Variants in GRIK4 observed in about 807,000 individuals in gnomAD.
GRIK4 encodes glutamate ionotropic receptor kainate type subunit 4.
In GRIK4, 40 loss-of-function variants were observed where a neutral mutation model predicts 104.9. The ratio of observed to expected loss-of-function variants is 0.38; its 90% CI spans 0.30 to 0.50. The LOEUF (loss-of-function observed/expected upper bound fraction) is 0.50, where lower values mean the gene tolerates loss of function less well. Among genes scored for constraint, GRIK4 ranks in the 20% least tolerant of loss-of-function variants. The pLI is 0.93. For synonymous variants in GRIK4, 485 were observed against 524.9 expected (o/e 0.92, Z 1.04); for missense variants, 1,047 against 1,308.1 (o/e 0.80, Z 3.08).
intron 3 of GRIK4, among the ~76,000 whole-genome samples, chr11:120,741,521 GC>G (rs1175442268): frequency 2.6e-5 from 4 of 151,664 alleles, no homozygotes; most frequent in African/African-American, 9.7e-5. Flanking sequence ...CTCGTGATCC[GC>G]CCGCCTCAGC....
chr11:120,901,578 A>G (rs1255752843), intron 12 of GRIK4, among the ~76,000 whole-genome samples: 1 of 152,130 alleles, frequency 6.6e-6, no homozygotes, highest in Admixed American at 6.5e-5. Flanking sequence ...TTCTAGGATG[A>G]GAGCTCCTCG....
At position 120,962,467 on chromosome 11, in the gene GRIK4, C is replaced by T. The variant is rs113225841; in HGVS notation, c.2052C>T (p.Tyr684=). ...TGTTCTTTTCCCAGAATTCCCGCTA[C>T]CAGACCTACCAACGCATGTGGAATT... is the stretch of plus-strand genomic sequence containing the variant. ...SSMTFFQNSR[Y]QTYQRMWNYM... The change falls in exon 18 of 21, where the codon TAC becomes TAT. Residue 684 remains tyrosine (Y), a synonymous_variant. Transcript: ENST00000527524. The T allele has an allele frequency of 7.4e-6, 12 of 1,611,776 alleles. No individual in the cohort carries two copies. Among genetic ancestry groups the T allele is most frequent in the Non-Finnish European group, 1.0e-5 (12 of 1,178,250 alleles).
intron 6 of GRIK4, among the ~76,000 whole-genome samples, chr11:120,828,760 G>A (rs1953340537): frequency 6.6e-6 from 1 of 152,126 alleles, no homozygotes; most frequent in African/African-American, 2.4e-5. Flanking sequence ...CCCGCCCCGC[G>A]TCTCAGCACA....
chr11:120,811,456 AT>A (rs1317676681), intron 4 of GRIK4, among the ~76,000 whole-genome samples: 13 of 152,074 alleles, frequency 8.5e-5, no homozygotes, highest in Non-Finnish European at 1.5e-4. Context: ...CTGCTCTTTA[AT>A]TTCTCTCTGT....
At chr11:120,679,794 T>C (rs1273555424) in intron 3 of GRIK4, among the ~76,000 whole-genome samples, 1 of 152,190 alleles carries the variant, frequency 6.6e-6, no homozygotes, top group African/African-American at 2.4e-5. Context: ...CAAACTCCTT[T>C]TCAGGGCATG....
At chr11:120,864,209 A>ATT (rs1302417311) in intron 9 of GRIK4, among the ~76,000 whole-genome samples, 3 of 10,460 alleles carry the variant, frequency 2.9e-4, no homozygotes, top group East Asian at 1.8e-3. Flanking sequence ...TTTTATTTTT[A>ATT]TTTATTTATT....
chr11:120,653,160 T>A (rs1949645255), intron 1 of GRIK4, among the ~76,000 whole-genome samples: 2 of 152,214 alleles, frequency 1.3e-5, no homozygotes, highest in Admixed American at 1.3e-4. Flanking sequence ...CTGTCCAAGG[T>A]GCTGAAGGTG....
At chr11:120,640,412 G>A (rs1010034089) in intron 1 of GRIK4, among the ~76,000 whole-genome samples, 2 of 152,132 alleles carry the variant, frequency 1.3e-5, no homozygotes, top group Admixed American at 6.5e-5. Flanking sequence ...TTTCAAGGTG[G>A]AAAGAAATTG....
At chr11:120,535,290 G>T (rs559191953) in intron 1 of GRIK4, among the ~76,000 whole-genome samples, 1 of 50,938 alleles carries the variant, frequency 2.0e-5, no homozygotes, top group Non-Finnish European at 4.2e-5. Context: ...AAGAGGGAAG[G>T]GGGGTGCAGA....
At chr11:120,809,929 G>A (rs1391050627) in intron 4 of GRIK4, among the ~76,000 whole-genome samples, 2 of 152,144 alleles carry the variant, frequency 1.3e-5, no homozygotes, top group Non-Finnish European at 2.9e-5. Context: ...GCCAAGAATG[G>A]TGGCATGCAC....
chr11:120,969,674 A>T (rs1446660773), intron 19 of GRIK4, among the ~76,000 whole-genome samples: 1 of 152,166 alleles, frequency 6.6e-6, no homozygotes, highest in Non-Finnish European at 1.5e-5. Context: ...GATAACAATG[A>T]GTTAAAGGAT....
chr11:120,964,832 T>A (rs531237853), intron 18 of GRIK4, among the ~76,000 whole-genome samples: 38 of 152,220 alleles, frequency 2.5e-4, no homozygotes, highest in Non-Finnish European at 3.5e-4. Flanking sequence ...TCAGAGCAGA[T>A]AGATTACTTG....
chr11:120,912,101 A>T (rs986137558), intron 13 of GRIK4, among the ~76,000 whole-genome samples: 1 of 152,202 alleles, frequency 6.6e-6, no homozygotes, highest in Non-Finnish European at 1.5e-5. Context: ...TAGAGAAATC[A>T]TCAGGACCAG....
chr11:120,577,364 G>T (rs1346219925), intron 1 of GRIK4, among the ~76,000 whole-genome samples: 1 of 152,002 alleles, frequency 6.6e-6, no homozygotes, highest in Non-Finnish European at 1.5e-5. Context: ...TGGGAAGAGT[G>T]GGATGATGGA....
chr11:120,922,008 G>A (rs1943238053), intron 13 of GRIK4, among the ~76,000 whole-genome samples: 1 of 152,074 alleles, frequency 6.6e-6, no homozygotes, highest in Non-Finnish European at 1.5e-5. Flanking sequence ...CAGAGCAAGT[G>A]CCCACCCCAC....
chr11:120,958,807 C>A (rs560269205), intron 16 of GRIK4, among the ~76,000 whole-genome samples: 2 of 152,264 alleles, frequency 1.3e-5, no homozygotes, highest in East Asian at 3.9e-4. Flanking sequence ...ACCTAGGGCT[C>A]ATTAACCCCC....
At chr11:120,957,007 G>T (rs1944170584) in intron 16 of GRIK4, 54 bp downstream of exon 16, 1 of 1,447,670 alleles carries the variant, frequency 6.9e-7, no homozygotes, top group Non-Finnish European at 9.3e-7. Context: ...ACACAAAAGG[G>T]GCCCTCTGAT....
rs148259218 is a variant in GRIK4 at position 120,905,445 on chromosome 11, C to T, written c.1428C>T (p.Pro476=). 5.8e-4 allele frequency: 907 copies of T among 1,557,666 alleles called. 1 individual carries two copies. The highest frequency in any genetic ancestry group is 6.5e-4 in the Non-Finnish European group (740 of 1,144,200). ...RLVGDGVYGV[P]EANGTWTGMV... The stretch of plus-strand genomic sequence containing the variant: ...TTGGGGATGGCGTGTACGGCGTTCC[C>T]GAGGCCAACGGCACCTGGACGGGAA... Residue 476 remains proline (P), a synonymous_variant, in exon 13 of 21, where the codon CCC becomes CCT. Coordinates refer to ENST00000527524, the MANE Select transcript of GRIK4 (RefSeq NM_014619.5). The surrounding 1 kb of genome is among the most constrained non-coding windows in gnomAD (Gnocchi z 5.1).
intron 13 of GRIK4, among the ~76,000 whole-genome samples, chr11:120,916,864 T>C (rs1044550766): frequency 6.6e-6 from 1 of 152,228 alleles, no homozygotes; most frequent in Non-Finnish European, 1.5e-5. Context: ...GAAACACTTC[T>C]GGTCTCAAGC....
Sources: allele counts gnomAD v4.1 joint callset (sites outside exome capture counted in the v4.1 genomes callset), GRCh38; gene constraint gnomAD v4.1.1; non-coding constraint Gnocchi (gnomAD v3.1); transcripts MANE v1.5; gene names NCBI Gene and HGNC (gene_info 2026-07-23, HGNC 2026-07-21).